POM121C: variants seen among roughly 807,000 people sequenced by gnomAD.
The protein encoded by POM121C is POM121 transmembrane nucleoporin C.
POM121C carries 20 observed loss-of-function variants against 66.4 expected under a neutral mutation model. The ratio of observed to expected loss-of-function variants is 0.30; its 90% CI spans 0.21 to 0.44. POM121C has a LOEUF of 0.44. Among genes scored for constraint, POM121C ranks in the 20% least tolerant of loss-of-function variants. The pLI is 1.00. For missense variants in POM121C, 580 were observed against 1,225.7 expected (o/e 0.47, Z 7.87); for synonymous variants, 286 against 528.0 (o/e 0.54, Z 6.28).
Position 75,425,201 on chromosome 7 carries a change from G to T in POM121C, c.647-6C>A, listed in dbSNP as rs1789891701. Reference sequence around the variant, plus strand: ...CCTTGGGGTTGTATCTGCAGCTAAAGAAAGAAATCAAGACTCGTTTGCTTC... The same window carrying T: ...CCTTGGGGTTGTATCTGCAGCTAAATAAAGAAATCAAGACTCGTTTGCTTC... On this transcript the variant is annotated splice_region_variant and splice_polypyrimidine_tract_variant and intron_variant, in intron 9 of 14. Coordinates refer to ENST00000615331, the MANE Select transcript of POM121C (RefSeq NM_001099415.3). 6.9e-7 allele frequency: 1 copy of T among 1,455,004 alleles called. No homozygotes were observed. Among genetic ancestry groups the T allele is most frequent in the South Asian group, 1.4e-5 (1 of 73,604 alleles). 90.1% of individuals were successfully genotyped at this position (1,455,004 alleles called of 1,614,324 possible).
At chr7:75,438,433 T>G (rs1790499768) in intron 6 of POM121C, among the ~76,000 whole-genome samples, 1 of 152,186 alleles carries the variant, frequency 6.6e-6, no homozygotes, top group Non-Finnish European at 1.5e-5. Flanking sequence ...TCCTGAGATT[T>G]TTCTCCTCTG....
chr7:75,452,495 A>G (rs587677400), intron 3 of POM121C, among the ~76,000 whole-genome samples: 2 of 152,292 alleles, frequency 1.3e-5, no homozygotes, highest in African/African-American at 2.4e-5. Flanking sequence ...TTGTTAATCA[A>G]TATTAGTTAG....
chr7:75,431,160 A>G (rs1790161387), intron 7 of POM121C, among the ~76,000 whole-genome samples: 1 of 151,820 alleles, frequency 6.6e-6, no homozygotes, highest in African/African-American at 2.4e-5. Flanking sequence ...GCCAATAAAC[A>G]GTTGGTATTT....
intron 11 of POM121C, 124 bp from the exon 12 acceptor site, chr7:75,424,349 T>C: frequency 8.7e-7 from 1 of 1,154,060 alleles, no homozygotes; most frequent in East Asian, 2.3e-5. Context: ...CAGTAGTCCC[T>C]GCTGTCCAGT....
At chr7:75,430,506 CCACA>C (rs782815532) in intron 7 of POM121C, among the ~76,000 whole-genome samples, 2 of 152,034 alleles carry the variant, frequency 1.3e-5, no homozygotes, top group Non-Finnish European at 2.9e-5. Context: ...CAACCTCACA[CCACA>C]CACAAAAATC....
At chr7:75,419,482 G>A in intron 13 of POM121C, 40 bp from the exon 14 acceptor site, 1 of 1,603,780 alleles carries the variant, frequency 6.2e-7, no homozygotes. Context: ...GTGAGCAGAG[G>A]GCGGAGGCAG....
rs1368450862 is a variant in POM121C at position 75,417,534 on chromosome 7, G to C, written c.*1262C>G. The C allele has an allele frequency of 1.0e-6, 1 of 985,340 alleles. No homozygotes were observed. Among genetic ancestry groups the C allele is most frequent in the Admixed American group, 6.2e-5 (1 of 16,254 alleles). The allele number at this position is 985,340 out of a possible 1,614,324, so 61.0% of individuals were successfully genotyped here. A position where few individuals can be genotyped will look rare whatever the true frequency, so the allele number is the denominator to read the frequency against. The stretch of plus-strand genomic sequence containing the variant: ...TGACAGCAAGGCGCTTGGGCCTGGG[G>C]TATGTGGTTTCAGAAGGACGGAAGG... On this transcript the variant is annotated 3_prime_UTR_variant, in exon 15 of 15. Transcript: ENST00000615331.
intron 10 of POM121C, chr7:75,424,829 A>C: frequency 8.5e-7 from 1 of 1,177,184 alleles, no homozygotes. Flanking sequence ...GCGTGGTAGC[A>C]AGCGCCTGTA....
chr7:75,422,044 T>A lies in POM121C; in HGVS notation c.2208A>T (p.Ala736=), dbSNP rs1554470786. The A allele has an allele frequency of 6.2e-7, 1 of 1,612,576 alleles. No homozygotes were observed. The highest frequency in any genetic ancestry group is 1.7e-5 in the Admixed American group (1 of 59,976). ...TGGGTGCAGTAGCCGGGGCCGGGGC[T>A]GCAGAGTTTCCAAAAGTGAAAGAGC... ...FGSSFTFGNS[A]APAPATAPTP... The change falls in exon 13 of 15, where the codon GCA becomes GCT. Residue 736 remains alanine, a synonymous_variant. Coordinates refer to ENST00000615331, the MANE Select transcript of POM121C (RefSeq NM_001099415.3).
intron 3 of POM121C, among the ~76,000 whole-genome samples, chr7:75,454,978 T>C (rs2443475): frequency 7.2e-6 from 1 of 139,036 alleles, no homozygotes; most frequent in Non-Finnish European, 1.7e-5. Context: ...CTTGTCTCCA[T>C]AGTCACATCC....
chr7:75,455,303 G>C (rs1791168830), intron 3 of POM121C, among the ~76,000 whole-genome samples: 1 of 152,276 alleles, frequency 6.6e-6, no homozygotes, highest in Non-Finnish European at 1.5e-5. Flanking sequence ...AACTCACTTA[G>C]ATCTTTTTTT....
intron 7 of POM121C, among the ~76,000 whole-genome samples, chr7:75,426,931 T>C (rs1199274953): frequency 6.8e-6 from 1 of 146,812 alleles, no homozygotes; most frequent in Non-Finnish European, 1.5e-5. Context: ...ATAAAAGTAA[T>C]GGAATGTGAA....
intron 1 of POM121C, among the ~76,000 whole-genome samples, chr7:75,483,166 C>G (rs1792375536): frequency 6.6e-6 from 1 of 152,138 alleles, no homozygotes; most frequent in Admixed American, 6.5e-5. Flanking sequence ...GCACCAAGTT[C>G]TCCTTGGGCA....
intron 3 of POM121C, among the ~76,000 whole-genome samples, chr7:75,452,190 G>A (rs1791044867): frequency 6.6e-6 from 1 of 151,712 alleles, no homozygotes; most frequent in Admixed American, 6.6e-5. Context: ...GGGTGCAGTG[G>A]CTCACACCTG....
Position 75,425,779 on chromosome 7 carries a change from C to T in POM121C, c.573-71G>A, listed in dbSNP as rs879958774. ...TGAAGTATTAAATAATTTCTCACAC[C>T]CTCCTAACTACCAAGTGGCCAACAT... On this transcript the variant is annotated intron_variant, in intron 8 of 14. Transcript: ENST00000615331. 5.4e-6 allele frequency: 7 copies of T among 1,305,128 alleles called. No homozygotes were observed. The South Asian group carries it at 8.8e-5, about 17-fold the overall frequency. 80.8% of individuals were successfully genotyped at this position (1,305,128 alleles called of 1,614,324 possible).
At chr7:75,439,405 G>C (rs1397280601) in intron 5 of POM121C, among the ~76,000 whole-genome samples, 181 bp from the exon 6 acceptor site, 5 of 151,948 alleles carry the variant, frequency 3.3e-5, no homozygotes, top group African/African-American at 9.7e-5. Context: ...TTTTCAGACA[G>C]AGTTTCACTC....
At chr7:75,435,224 G>A (rs1273743586) in intron 7 of POM121C, among the ~76,000 whole-genome samples, 1 of 152,192 alleles carries the variant, frequency 6.6e-6, no homozygotes, top group East Asian at 1.9e-4. Flanking sequence ...GACCAAAGAT[G>A]AGTTTCTGTG....
At chr7:75,423,980 C>G in intron 12 of POM121C, 69 bp downstream of exon 12, 3 of 1,534,306 alleles carry the variant, frequency 2.0e-6, no homozygotes, top group Non-Finnish European at 2.7e-6. Context: ...ACAGGCACGA[C>G]GCCCTTATTC....
intron 3 of POM121C, among the ~76,000 whole-genome samples, chr7:75,461,484 C>T (rs1206957679): frequency 4.5e-4 from 69 of 152,184 alleles, no homozygotes; most frequent in African/African-American, 1.5e-3. Context: ...GAGGTGCAAT[C>T]GGCTTACTGC....
Sources: allele counts gnomAD v4.1 joint callset (sites outside exome capture counted in the v4.1 genomes callset), GRCh38; gene constraint gnomAD v4.1.1; transcripts MANE v1.5; gene names NCBI Gene and HGNC (gene_info 2026-07-23, HGNC 2026-07-21).